SEZ6L: variants seen among roughly 807,000 people sequenced by gnomAD.
SEZ6L encodes the protein seizure 6-like protein.
In SEZ6L, 37 loss-of-function variants were observed where a neutral mutation model predicts 106.2. That is an observed-to-expected ratio of 0.35 (90% CI 0.27 to 0.46). The LOEUF is 0.46. Among genes scored for constraint, SEZ6L ranks in the 20% least tolerant of loss-of-function variants. SEZ6L has a pLI of 1.00. For synonymous variants in SEZ6L, 541 were observed against 570.4 expected, an observed-to-expected ratio of 0.95 and a Z score of 0.73; for missense variants, 1,172 against 1,332.8, an observed-to-expected ratio of 0.88 and a Z score of 1.88.
At chr22:26,204,216 G>T in intron 1 of SEZ6L, among the ~76,000 whole-genome samples, 1 of 152,122 alleles carries the variant, frequency 6.6e-6, no homozygotes. Context: ...TCATAGAAAG[G>T]TACAATACAG....
In SEZ6L at chr22:26,361,367, C is replaced by T. The variant is rs2083620739; in HGVS notation, c.2600-4005C>T. On this transcript the variant is annotated intron_variant, in intron 12 of 16. Coordinates refer to ENST00000248933, the MANE Select transcript of SEZ6L (RefSeq NM_021115.5). Reference sequence around the variant, plus strand: ...ACAAAAACAAAAAAAATCAGCTAGGCTTGGTGGCGCATGCCTGTGGTCCCA... The same window carrying T: ...ACAAAAACAAAAAAAATCAGCTAGGTTTGGTGGCGCATGCCTGTGGTCCCA... Among the ~76,000 whole-genome samples, 4 of 142,930 alleles carry T rather than the reference C, an allele frequency of 2.8e-5. No homozygotes were observed. In the South Asian group the frequency reaches 8.9e-4, roughly 32 times the overall value. The allele number at this position is 142,930 out of a possible 152,430, so 93.8% of individuals were successfully genotyped here. A position where few individuals can be genotyped will look rare whatever the true frequency, so the allele number is the denominator to read the frequency against.
chr22:26,332,805 G>A lies in SEZ6L; in HGVS notation c.2016-7631G>A, dbSNP rs540167468. ...ATGTTTTCTGACACAAGACTCAATC[G>A]GAACACACTTCTTGAAAACGTGTGT... is the stretch of plus-strand genomic sequence containing the variant. On this transcript the variant is annotated intron_variant, in intron 9 of 16. Transcript: ENST00000248933. Among the ~76,000 whole-genome samples, 16 of 152,228 alleles carry A rather than the reference G, an allele frequency of 1.1e-4. No individual in the cohort carries two copies. In the South Asian group the frequency reaches 1.2e-3, roughly 12 times the overall value.
intron 1 of SEZ6L, among the ~76,000 whole-genome samples, chr22:26,183,440 G>A (rs1939538748): frequency 6.6e-6 from 1 of 152,168 alleles, no homozygotes; most frequent in South Asian, 2.1e-4. Context: ...CAAGGGACCA[G>A]GGTTGGGAGC....
intron 9 of SEZ6L, among the ~76,000 whole-genome samples, chr22:26,315,309 G>A (rs2081966765): frequency 6.6e-6 from 1 of 151,934 alleles, no homozygotes; most frequent in African/African-American, 2.4e-5. Context: ...GAGGCATCCT[G>A]TCTCTTCAAA....
intron 1 of SEZ6L, among the ~76,000 whole-genome samples, chr22:26,176,487 G>A (rs1939014765): frequency 6.6e-6 from 1 of 152,224 alleles, no homozygotes; most frequent in South Asian, 2.1e-4. Context: ...TTGATGGCTT[G>A]TGCGTGAGCC....
intron 1 of SEZ6L, among the ~76,000 whole-genome samples, chr22:26,197,005 G>A (rs1300021471): frequency 2.2e-4 from 34 of 152,216 alleles, no homozygotes; most frequent in Admixed American, 2.2e-3. Context: ...CATAGGGCAT[G>A]TGGATGCATC....
At chr22:26,278,490 G>A (rs891334803) in intron 1 of SEZ6L, among the ~76,000 whole-genome samples, 2 of 152,062 alleles carry the variant, frequency 1.3e-5, no homozygotes, top group Non-Finnish European at 2.9e-5. Context: ...CCATCTTTAT[G>A]TCCATGTGTG....
At chr22:26,227,511 A>C (rs2078668438) in intron 1 of SEZ6L, among the ~76,000 whole-genome samples, 1 of 152,078 alleles carries the variant, frequency 6.6e-6, no homozygotes, top group Admixed American at 6.5e-5. Flanking sequence ...GGATTCAAGC[A>C]GTCTTCCCAC....
At chr22:26,277,493 T>A (rs2080589633) in intron 1 of SEZ6L, among the ~76,000 whole-genome samples, 1 of 152,204 alleles carries the variant, frequency 6.6e-6, no homozygotes, top group Non-Finnish European at 1.5e-5. Context: ...TGGGCTTCTG[T>A]TTGACCTCCT....
intron 12 of SEZ6L, among the ~76,000 whole-genome samples, chr22:26,359,682 G>T (rs902588708): frequency 6.6e-6 from 1 of 152,162 alleles, no homozygotes; most frequent in Non-Finnish European, 1.5e-5. Context: ...GTGCACGCCA[G>T]TGGTCCCAGC....
At chr22:26,357,329 C>T (rs8135056) in intron 12 of SEZ6L, among the ~76,000 whole-genome samples, 59,209 of 151,860 alleles carry the variant, frequency 0.39, 11,935 homozygotes, top group East Asian at 0.54. Context: ...GTTTGGGAAC[C>T]CTGGCACTAG....
chr22:26,268,018 C>T (rs2080244552), intron 1 of SEZ6L, among the ~76,000 whole-genome samples: 1 of 152,242 alleles, frequency 6.6e-6, no homozygotes, highest in Non-Finnish European at 1.5e-5. Flanking sequence ...ACTATTCAAA[C>T]AAAGCCATGC....
At chr22:26,238,127 T>C (rs2079005880) in intron 1 of SEZ6L, among the ~76,000 whole-genome samples, 1 of 152,106 alleles carries the variant, frequency 6.6e-6, no homozygotes, top group Non-Finnish European at 1.5e-5. Flanking sequence ...ATGTCCCTAT[T>C]ATTAATTAAA....
At chr22:26,177,982 TC>T (rs1302338806) in intron 1 of SEZ6L, among the ~76,000 whole-genome samples, 5 of 152,198 alleles carry the variant, frequency 3.3e-5, no homozygotes, top group Non-Finnish European at 7.3e-5. Flanking sequence ...GTCTTCTGAC[TC>T]CCATGCTAAA....
intron 14 of SEZ6L, among the ~76,000 whole-genome samples, chr22:26,374,463 A>G (rs901766053): frequency 1.3e-5 from 2 of 152,154 alleles, no homozygotes; most frequent in African/African-American, 4.8e-5. Flanking sequence ...AGGAGCATGA[A>G]TTATACACTC....
intron 1 of SEZ6L, among the ~76,000 whole-genome samples, chr22:26,195,883 T>C (rs1360073383): frequency 6.6e-6 from 1 of 152,076 alleles, no homozygotes; most frequent in Non-Finnish European, 1.5e-5. Flanking sequence ...CAGGTGGTCA[T>C]GGAAGGCTTC....
intron 1 of SEZ6L, among the ~76,000 whole-genome samples, chr22:26,228,183 C>A (rs2078690763): frequency 6.6e-6 from 1 of 152,130 alleles, no homozygotes; most frequent in African/African-American, 2.4e-5. Flanking sequence ...ATTAAATGAG[C>A]AAGTGCGTGA....
At chr22:26,278,451 ACCTTTGGAG>A (rs2080628198) in intron 1 of SEZ6L, among the ~76,000 whole-genome samples, 1 of 151,902 alleles carries the variant, frequency 6.6e-6, no homozygotes, top group Admixed American at 6.6e-5. Context: ...CACCCTCCCC[ACCTTTGGAG>A]TCTCCAGTGT....
Position 26,218,055 on chromosome 22 carries a change from A to G in SEZ6L, c.94+48292A>G, listed in dbSNP as rs116931116. ...CACTTCCTGCCGTTGATAAACACAC[A>G]GTTGAGTAGGAAAACAGATGCAGGA... On this transcript the variant is annotated intron_variant, in intron 1 of 16. Coordinates refer to ENST00000248933, the MANE Select transcript of SEZ6L (RefSeq NM_021115.5). Among the ~76,000 whole-genome samples the G allele has an allele frequency of 3.2e-4, 49 of 152,328 alleles. No homozygotes were observed. The East Asian group carries it at 8.7e-3, about 27-fold the overall frequency.
Sources: allele counts gnomAD v4.1 joint callset (sites outside exome capture counted in the v4.1 genomes callset), GRCh38; gene constraint gnomAD v4.1.1; transcripts MANE v1.5; gene names NCBI Gene and HGNC (gene_info 2026-07-23, HGNC 2026-07-21).